Variants in CD247 observed in about 807,000 individuals in gnomAD.
CD247 encodes T-cell surface glycoprotein CD3 zeta chain.
CD247 carries 13 observed loss-of-function variants against 30.0 expected under a neutral mutation model. The ratio of observed to expected loss-of-function variants is 0.43; its 90% CI spans 0.28 to 0.69. The LOEUF (loss-of-function observed/expected upper bound fraction) is 0.69, where lower values mean the gene tolerates loss of function less well. Among genes scored for constraint, CD247 ranks in the 30% least tolerant of loss-of-function variants. CD247 has a pLI of 0.16. For synonymous variants in CD247, 72 were observed against 80.0 expected (o/e 0.90, Z 0.53); for missense variants, 193 against 212.6 (o/e 0.91, Z 0.57).
Position 167,454,332 on chromosome 1 carries a change from C to G in CD247, c.59-13565G>C, listed in dbSNP as rs527683937. Among the ~76,000 whole-genome samples, 104 of 152,292 alleles carry G rather than the reference C, an allele frequency of 6.8e-4. 1 individual carries two copies. Among genetic ancestry groups the G allele is most frequent in the Middle Eastern group, 3.4e-3 (1 of 294 alleles). On this transcript the variant is annotated intron_variant, in intron 1 of 7. Transcript: ENST00000362089. ...AATTTCACTTATTTTCCACCTTACACCTTTTTGTGGTGTTTGGAACTCTAA... is the reference window on the plus strand; with the variant it reads ...AATTTCACTTATTTTCCACCTTACAGCTTTTTGTGGTGTTTGGAACTCTAA...
Position 167,458,971 on chromosome 1 carries a change from A to C in CD247, c.59-18204T>G, listed in dbSNP as rs947837447. Among the ~76,000 whole-genome samples, 3 of 151,428 alleles carry C rather than the reference A, an allele frequency of 2.0e-5. No homozygotes were observed. In the East Asian group the frequency reaches 5.8e-4, roughly 29 times the overall value. ...AACCCCGTCTCTACTAAAAATACAAAAAAAAAAAAATCTGTTAGCTGAGCA... is the reference window on the plus strand; with the variant it reads ...AACCCCGTCTCTACTAAAAATACAACAAAAAAAAAATCTGTTAGCTGAGCA... On this transcript the variant is annotated intron_variant, in intron 1 of 7. Coordinates refer to ENST00000362089, the MANE Select transcript of CD247 (RefSeq NM_198053.3).
At chr1:167,488,010 T>C (rs1358121471) in intron 1 of CD247, among the ~76,000 whole-genome samples, 1 of 152,204 alleles carries the variant, frequency 6.6e-6, no homozygotes. Context: ...AGGGCTGGGA[T>C]TGCAAGCATG....
intron 4 of CD247, 103 bp downstream of exon 4, chr1:167,438,467 G>T: frequency 1.1e-6 from 1 of 896,582 alleles, no homozygotes; most frequent in Non-Finnish European, 1.9e-6. Flanking sequence ...CACATGTGAG[G>T]GTCGAGTCTG....
At chr1:167,490,837 C>A (rs1173809823) in intron 1 of CD247, among the ~76,000 whole-genome samples, 1 of 151,934 alleles carries the variant, frequency 6.6e-6, no homozygotes, top group Non-Finnish European at 1.5e-5. Flanking sequence ...ATCGTTTGAA[C>A]ATGGGCAGGA....
intron 1 of CD247, among the ~76,000 whole-genome samples, chr1:167,502,584 G>A (rs1435080449): frequency 6.6e-6 from 1 of 152,122 alleles, no homozygotes; most frequent in Non-Finnish European, 1.5e-5. Context: ...GTTGAACTGT[G>A]TCCCCTCAAA....
chr1:167,461,002 C>A (rs1050111519), intron 1 of CD247, among the ~76,000 whole-genome samples: 3 of 152,244 alleles, frequency 2.0e-5, no homozygotes, highest in African/African-American at 7.2e-5. Context: ...GCCCAGCCCA[C>A]GCGCTGTGAG....
chr1:167,466,565 T>G (rs1653256044), intron 1 of CD247, among the ~76,000 whole-genome samples: 1 of 152,214 alleles, frequency 6.6e-6, no homozygotes, highest in South Asian at 2.1e-4. Context: ...GAAATAAAAT[T>G]TAATCCAGTT....
rs959628981 is a variant in CD247, at chr1:167,494,896, C to T, written c.58+23512G>A. Among the ~76,000 whole-genome samples the T allele has an allele frequency of 2.6e-5, 4 of 152,138 alleles. No homozygotes were observed. The highest frequency in any genetic ancestry group is 4.4e-5 in the Non-Finnish European group (3 of 68,030). ...GACTTTACTCTACAGCAAAGCAGTCCGGGTTCCAGAGAGCCCAGGTGACTT... is the reference window on the plus strand; with the variant it reads ...GACTTTACTCTACAGCAAAGCAGTCTGGGTTCCAGAGAGCCCAGGTGACTT... On this transcript the variant is annotated intron_variant, in intron 1 of 7. Transcript: ENST00000362089. The surrounding 1 kb of genome is among the most constrained non-coding windows in gnomAD (Gnocchi z 7.3).
At chr1:167,466,412 CT>C (rs199998437) in intron 1 of CD247, among the ~76,000 whole-genome samples, 5,701 of 147,878 alleles carry the variant, frequency 0.039, 177 homozygotes, top group East Asian at 0.17. Context: ...CCACATTCGT[CT>C]TTTTTTTTTT....
chr1:167,444,372 G>C (rs117261019), intron 1 of CD247, among the ~76,000 whole-genome samples: 13 of 152,264 alleles, frequency 8.5e-5, no homozygotes, highest in South Asian at 4.1e-4. Context: ...TGGCTTCTTC[G>C]TATTTCTACC....
chr1:167,456,546 T>C (rs1284912428), intron 1 of CD247, among the ~76,000 whole-genome samples: 1 of 152,194 alleles, frequency 6.6e-6, no homozygotes, highest in East Asian at 1.9e-4. Flanking sequence ...GCCAAGTCCT[T>C]AGCAGTGTTT....
At chr1:167,434,116 A>G in intron 5 of CD247, 40 bp from the exon 6 acceptor site, 1 of 1,585,296 alleles carries the variant, frequency 6.3e-7, no homozygotes, top group Non-Finnish European at 8.7e-7. Flanking sequence ...TTACCAACTA[A>G]TGCAGAAAGC....
chr1:167,462,162 G>C (rs371309387), intron 1 of CD247, among the ~76,000 whole-genome samples: 1 of 152,076 alleles, frequency 6.6e-6, no homozygotes, highest in African/African-American at 2.4e-5. Flanking sequence ...TCCCCACCTG[G>C]CTCTCTTCAA....
intron 1 of CD247, among the ~76,000 whole-genome samples, chr1:167,468,952 T>C (rs1473333233): frequency 2.0e-5 from 3 of 149,978 alleles, no homozygotes; most frequent in Non-Finnish European, 4.4e-5. Context: ...AAGAGCAAAC[T>C]GCAATAAAAA....
At chr1:167,451,404 C>T (rs1652348310) in intron 1 of CD247, among the ~76,000 whole-genome samples, 1 of 152,162 alleles carries the variant, frequency 6.6e-6, no homozygotes, top group Admixed American at 6.5e-5. Context: ...CCGGCAAGCC[C>T]CAGGACAGGC....
At chr1:167,464,718 G>A (rs1653164793) in intron 1 of CD247, among the ~76,000 whole-genome samples, 1 of 152,198 alleles carries the variant, frequency 6.6e-6, no homozygotes, top group Non-Finnish European at 1.5e-5. Flanking sequence ...AATTTTGCCT[G>A]TAGTTTTTCT....
At chr1:167,486,196 A>G (rs1342637294) in intron 1 of CD247, among the ~76,000 whole-genome samples, 1 of 152,190 alleles carries the variant, frequency 6.6e-6, no homozygotes, top group African/African-American at 2.4e-5. Flanking sequence ...AGATCAAGAA[A>G]CTGGTTTGGT....
At chr1:167,512,667 G>A (rs990802097) in intron 1 of CD247, among the ~76,000 whole-genome samples, 3 of 152,216 alleles carry the variant, frequency 2.0e-5, no homozygotes, top group Admixed American at 6.5e-5. Context: ...TTGGGAAACT[G>A]AGGCACACAT....
chr1:167,467,539 T>C (rs971546476), intron 1 of CD247, among the ~76,000 whole-genome samples: 8 of 152,234 alleles, frequency 5.3e-5, no homozygotes, highest in African/African-American at 1.9e-4. Context: ...CTGAACTGTT[T>C]ACGTTCCCTC....
Sources: gnomAD v4.1 joint callset for allele counts (sites outside exome capture counted in the v4.1 genomes callset) on GRCh38, gnomAD v4.1.1 for gene constraint, Gnocchi (gnomAD v3.1) non-coding constraint, MANE v1.5 for transcripts, NCBI Gene and HGNC (gene_info 2026-07-23, HGNC 2026-07-21) for gene names.